Variants in COG5 observed in about 807,000 individuals in gnomAD.
COG5 encodes the protein conserved oligomeric Golgi complex subunit 5.
A neutral mutation model predicts 110.4 loss-of-function variants in COG5; 86 were observed. The ratio of observed to expected loss-of-function variants is 0.78; its 90% CI spans 0.65 to 0.93. The LOEUF (loss-of-function observed/expected upper bound fraction) is 0.93, where lower values mean the gene tolerates loss of function less well. Ranked by LOEUF, COG5 falls within the 40% of genes least tolerant of loss-of-function variation. The pLI is 0.00. For synonymous variants in COG5, 360 were observed against 334.6 expected (o/e 1.08, Z -0.83); for missense variants, 1,077 against 987.0 (o/e 1.09, Z -1.22).
intron 19 of COG5, among the ~76,000 whole-genome samples, chr7:107,230,141 G>A (rs920994475): frequency 1.3e-5 from 2 of 151,992 alleles, no homozygotes; most frequent in African/African-American, 2.4e-5. Context: ...ATGAGCCACC[G>A]TGCTCAGCCA....
chr7:107,219,895 C>T (rs1799789499), intron 19 of COG5, among the ~76,000 whole-genome samples: 1 of 152,118 alleles, frequency 6.6e-6, no homozygotes. Context: ...AATCATCCCA[C>T]ACGGTACACA....
chr7:107,208,247 G>A, intron 21 of COG5: 1 of 985,380 alleles, frequency 1.0e-6, no homozygotes, highest in Middle Eastern at 5.2e-4. Flanking sequence ...TGGAGGGATG[G>A]ATATGCCTTT....
intron 13 of COG5, among the ~76,000 whole-genome samples, chr7:107,282,353 T>C (rs1338334317): frequency 6.6e-6 from 1 of 152,154 alleles, no homozygotes; most frequent in Non-Finnish European, 1.5e-5. Context: ...GATTCCTCTT[T>C]AACATTTACA....
intron 11 of COG5, among the ~76,000 whole-genome samples, chr7:107,321,613 T>C (rs997792764): frequency 5.3e-5 from 8 of 152,138 alleles, no homozygotes; most frequent in Non-Finnish European, 1.2e-4. Context: ...CCAGAAATAG[T>C]CTTACTTATA....
rs1445183278 is a variant in COG5, at chr7:107,412,592, C to T, written c.579G>A (p.Val193=). Residue 193 remains valine, a synonymous_variant, in exon 7 of 22, where the codon GTG becomes GTA. Transcript: ENST00000297135. ...CAATAAAAAGTAGATCATTTTCTATCACTTCTATTCCAGAAAGATCTATTC... is the reference window on the plus strand; with the variant it reads ...CAATAAAAAGTAGATCATTTTCTATTACTTCTATTCCAGAAAGATCTATTC... The part of the protein sequence containing the change: ...SQGIDLSGIE[V]IENDLLFIAR... The T allele has an allele frequency of 6.3e-7, 1 of 1,582,072 alleles. No homozygotes were observed. Among genetic ancestry groups the T allele is most frequent in the Non-Finnish European group, 8.7e-7 (1 of 1,151,914 alleles).
At chr7:107,290,875 T>G (rs567889384) in intron 12 of COG5, among the ~76,000 whole-genome samples, 1 of 152,224 alleles carries the variant, frequency 6.6e-6, no homozygotes, top group African/African-American at 2.4e-5. Context: ...AGGCTAGTCT[T>G]GAACTCCTGG....
chr7:107,462,761 T>C (rs1796075939), intron 6 of COG5, among the ~76,000 whole-genome samples: 1 of 152,168 alleles, frequency 6.6e-6, no homozygotes, highest in South Asian at 2.1e-4. Context: ...TTTATTACCA[T>C]ATCTGATACA....
intron 6 of COG5, among the ~76,000 whole-genome samples, chr7:107,476,857 T>G (rs1000723431): frequency 2.0e-5 from 3 of 151,654 alleles, no homozygotes; most frequent in African/African-American, 7.2e-5. Flanking sequence ...ATGAGATTTA[T>G]CCAGTCTAGT....
At chr7:107,326,281 A>G (rs1326166175) in intron 10 of COG5, among the ~76,000 whole-genome samples, 2 of 152,194 alleles carry the variant, frequency 1.3e-5, no homozygotes, top group Non-Finnish European at 2.9e-5. Context: ...CTTCTATACA[A>G]TATAGTACTA....
chr7:107,553,686 A>T (rs575336536), intron 3 of COG5, among the ~76,000 whole-genome samples: 2 of 152,328 alleles, frequency 1.3e-5, no homozygotes, highest in South Asian at 4.1e-4. Context: ...TCAAACAAAA[A>T]TAAGCAGATT....
chr7:107,542,022 G>T (rs1269808254), intron 5 of COG5, among the ~76,000 whole-genome samples: 1 of 151,346 alleles, frequency 6.6e-6, no homozygotes. Flanking sequence ...AAATTTACAA[G>T]CAATTTCAGG....
intron 10 of COG5, among the ~76,000 whole-genome samples, chr7:107,328,817 A>G (rs1809995493): frequency 6.6e-6 from 1 of 152,006 alleles, no homozygotes; most frequent in African/African-American, 2.4e-5. Flanking sequence ...TTATTTTATT[A>G]TGTTTTTATT....
At chr7:107,341,028 G>A (rs1811130102) in intron 10 of COG5, among the ~76,000 whole-genome samples, 2 of 152,030 alleles carry the variant, frequency 1.3e-5, no homozygotes, top group African/African-American at 4.8e-5. Context: ...GTGCTAGCCA[G>A]AACAATCAGG....
intron 19 of COG5, among the ~76,000 whole-genome samples, chr7:107,227,009 C>T (rs570941038): frequency 6.6e-6 from 1 of 152,236 alleles, no homozygotes; most frequent in Admixed American, 6.5e-5. Context: ...CAGGAGGAAC[C>T]TCAGAGATAC....
intron 6 of COG5, among the ~76,000 whole-genome samples, chr7:107,523,248 AG>A (rs1490342349): frequency 6.6e-6 from 1 of 152,106 alleles, no homozygotes; most frequent in Non-Finnish European, 1.5e-5. Flanking sequence ...CTTATCCTTA[AG>A]TCTGTCATAT....
At chr7:107,263,232 T>C (rs1803518147) in intron 14 of COG5, among the ~76,000 whole-genome samples, 1 of 152,214 alleles carries the variant, frequency 6.6e-6, no homozygotes, top group South Asian at 2.1e-4. Context: ...TCTCAAGCCA[T>C]TTCCTGTAAG....
At chr7:107,340,930 TG>T (rs1811124046) in intron 10 of COG5, among the ~76,000 whole-genome samples, 1 of 152,078 alleles carries the variant, frequency 6.6e-6, no homozygotes, top group African/African-American at 2.4e-5. Flanking sequence ...TCATACTGAA[TG>T]GAAAAATTCT....
chr7:107,293,234 G>C (rs567025194), intron 12 of COG5, among the ~76,000 whole-genome samples: 2 of 152,138 alleles, frequency 1.3e-5, no homozygotes, highest in Admixed American at 6.5e-5. Flanking sequence ...CATTCATTGC[G>C]TGGGAATTGG....
chr7:107,530,377 G>A (rs146659952), intron 5 of COG5, among the ~76,000 whole-genome samples: 2,264 of 152,176 alleles, frequency 0.015, 57 homozygotes, highest in African/African-American at 0.053. Context: ...CAAGGCGGGC[G>A]GATCACCTTA....
Sources: allele counts gnomAD v4.1 joint callset (sites outside exome capture counted in the v4.1 genomes callset), GRCh38; gene constraint gnomAD v4.1.1; transcripts MANE v1.5; gene names NCBI Gene and HGNC (gene_info 2026-07-23, HGNC 2026-07-21).